SPACA7: variants seen among roughly 807,000 people sequenced by gnomAD.
SPACA7 encodes the protein sperm acrosome associated 7.
SPACA7 carries 19 observed loss-of-function variants against 26.3 expected under a neutral mutation model. The observed-to-expected ratio is 0.72, with a 90% CI of 0.50 to 1.06. The LOEUF is 1.06. SPACA7 is among the 50% of genes least tolerant of loss of function. The pLI, the probability that SPACA7 is intolerant of heterozygous loss-of-function variation, is 0.00. For missense variants in SPACA7, 211 were observed against 229.9 expected, an observed-to-expected ratio of 0.92 and a Z score of 0.53; for synonymous variants, 84 against 84.5, an observed-to-expected ratio of 0.99 and a Z score of 0.04.
chr13:112,420,640 G>T (rs1438615567), intron 5 of SPACA7, among the ~76,000 whole-genome samples: 1 of 152,010 alleles, frequency 6.6e-6, no homozygotes, highest in Non-Finnish European at 1.5e-5. Flanking sequence ...AGACGAGAGA[G>T]AGCAATATAG....
intron 5 of SPACA7, among the ~76,000 whole-genome samples, chr13:112,415,686 T>C (rs1248225375): frequency 1.3e-5 from 2 of 152,148 alleles, no homozygotes; most frequent in Non-Finnish European, 2.9e-5. Context: ...TAAATTGGGT[T>C]GCATCCCAAG....
At chr13:112,402,010 T>A (rs1232383439) in intron 5 of SPACA7, among the ~76,000 whole-genome samples, 1 of 152,176 alleles carries the variant, frequency 6.6e-6, no homozygotes, top group African/African-American at 2.4e-5. Flanking sequence ...CCTCTTTTAG[T>A]TTTTTTAGCT....
intron 3 of SPACA7, among the ~76,000 whole-genome samples, chr13:112,398,502 G>A (rs946064930): frequency 1.3e-5 from 2 of 152,066 alleles, no homozygotes; most frequent in Non-Finnish European, 1.5e-5. Flanking sequence ...CTCACTTCAC[G>A]CTCACCCAAG....
chr13:112,386,726 C>G (rs1464962708), intron 1 of SPACA7, among the ~76,000 whole-genome samples: 1 of 152,102 alleles, frequency 6.6e-6, no homozygotes, highest in Non-Finnish European at 1.5e-5. Flanking sequence ...ACATCTATAC[C>G]TTGTTTATCC....
chr13:112,430,168 CTCTCTCTGTGTGTGTG>C (rs1309177719), intron 5 of SPACA7, among the ~76,000 whole-genome samples: 9 of 115,884 alleles, frequency 7.8e-5, no homozygotes, highest in African/African-American at 3.4e-4. Flanking sequence ...CCTTGCATCT[CTCTCTCTGTGTGTGTG>C]TGTGTGTGTG....
chr13:112,401,996 C>G (rs1040342312), intron 5 of SPACA7, among the ~76,000 whole-genome samples: 32 of 152,214 alleles, frequency 2.1e-4, no homozygotes, highest in African/African-American at 7.5e-4. Context: ...CTGGGACACA[C>G]TTCCCTCTTT....
chr13:112,403,391 T>G (rs1173952052), intron 5 of SPACA7, among the ~76,000 whole-genome samples: 2 of 152,226 alleles, frequency 1.3e-5, no homozygotes, highest in African/African-American at 2.4e-5. Flanking sequence ...AAGCCAGTGA[T>G]CTGTCTGGTT....
chr13:112,390,679 A>G (rs1884830061), intron 1 of SPACA7, among the ~76,000 whole-genome samples: 1 of 152,224 alleles, frequency 6.6e-6, no homozygotes, highest in African/African-American at 2.4e-5. Context: ...AGCAGGAGGA[A>G]CAGAGAGCGT....
chr13:112,397,898 T>C, intron 2 of SPACA7, 151 bp from the exon 3 acceptor site: 1 of 578,260 alleles, frequency 1.7e-6, no homozygotes. Context: ...CTTTCGAAAG[T>C]CAAGTCCCAC....
chr13:112,419,460 C>G (rs1886886160), intron 5 of SPACA7, among the ~76,000 whole-genome samples: 2 of 152,170 alleles, frequency 1.3e-5, no homozygotes, highest in Non-Finnish European at 2.9e-5. Flanking sequence ...GGTGACCCCT[C>G]CCACTTTCTC....
intron 1 of SPACA7, chr13:112,382,423 G>C (rs1229813876): frequency 6.5e-7 from 1 of 1,549,174 alleles, no homozygotes; most frequent in Non-Finnish European, 8.7e-7. Context: ...TTCAGGTGCA[G>C]GCTGTGAAGA....
chr13:112,396,815 G>C (rs4097400), intron 2 of SPACA7, among the ~76,000 whole-genome samples: 83,580 of 151,946 alleles, frequency 0.55, 23,108 homozygotes, highest in South Asian at 0.65. Context: ...ACAAGGCCAT[G>C]TCCCTGAGGT....
intron 1 of SPACA7, 46 bp downstream of exon 1, chr13:112,376,525 G>C (rs61960772): frequency 0.14 from 222,602 of 1,582,024 alleles, 18,962 homozygotes; most frequent in South Asian, 0.33. Context: ...ACTGAACCAG[G>C]TGGGGAGCGG....
chr13:112,399,518 G>A (rs1000547452), intron 4 of SPACA7, among the ~76,000 whole-genome samples: 23 of 152,358 alleles, frequency 1.5e-4, no homozygotes, highest in African/African-American at 5.0e-4. Context: ...TCCTTCACAG[G>A]GCAGGTGCAG....
At chr13:112,404,649 C>G (rs1263959391) in intron 5 of SPACA7, among the ~76,000 whole-genome samples, 1 of 151,584 alleles carries the variant, frequency 6.6e-6, no homozygotes. Flanking sequence ...GTCAATTATA[C>G]CAGCACCATT....
chr13:112,394,594 T>C (rs2138925373), intron 2 of SPACA7, among the ~76,000 whole-genome samples: 1 of 152,088 alleles, frequency 6.6e-6, no homozygotes, highest in Admixed American at 6.5e-5. Context: ...GAGTGAGCGC[T>C]CCAGTGAATG....
chr13:112,421,722 T>C (rs1447624036), intron 5 of SPACA7, among the ~76,000 whole-genome samples: 2 of 152,094 alleles, frequency 1.3e-5, no homozygotes, highest in Non-Finnish European at 2.9e-5. Flanking sequence ...ATGCCAATCA[T>C]TGAGAGACTG....
intron 1 of SPACA7, among the ~76,000 whole-genome samples, chr13:112,390,426 A>T (rs1230653987): frequency 6.6e-6 from 1 of 152,038 alleles, no homozygotes; most frequent in African/African-American, 2.4e-5. Flanking sequence ...ATTCCTTTTC[A>T]TGGGCATGTG....
chr13:112,386,686 A>G (rs1219805626), intron 1 of SPACA7, among the ~76,000 whole-genome samples: 2 of 152,200 alleles, frequency 1.3e-5, no homozygotes, highest in African/African-American at 2.4e-5. Context: ...ACAAGATCCA[A>G]GAAGAGAAAA....
Sources: gnomAD v4.1 joint callset for allele counts (sites outside exome capture counted in the v4.1 genomes callset) on GRCh38, gnomAD v4.1.1 for gene constraint, MANE v1.5 for transcripts, NCBI Gene and HGNC (gene_info 2026-07-23, HGNC 2026-07-21) for gene names.